WDR49: variants seen among roughly 807,000 people sequenced by gnomAD.
The protein encoded by WDR49 is cilia- and flagella-associated protein 337.
WDR49 carries 107 observed loss-of-function variants against 119.5 expected under a neutral mutation model. That is an observed-to-expected ratio of 0.90 (90% CI 0.77 to 1.05). The LOEUF is 1.05. WDR49 is among the 50% of genes least tolerant of loss of function. The pLI is 0.00. For synonymous variants in WDR49, 425 were observed against 418.8 expected (o/e 1.01, Z -0.18); for missense variants, 1,240 against 1,220.5 (o/e 1.02, Z -0.24).
chr3:167,577,821 A>G (rs955016309), intron 7 of WDR49, among the ~76,000 whole-genome samples: 4 of 152,144 alleles, frequency 2.6e-5, no homozygotes, highest in African/African-American at 7.2e-5. Context: ...GCAACCTTAT[A>G]GTTTTTAACC....
chr3:167,517,240 T>A (rs975378473), intron 16 of WDR49, among the ~76,000 whole-genome samples: 2 of 152,088 alleles, frequency 1.3e-5, no homozygotes, highest in South Asian at 4.1e-4. Flanking sequence ...AGAACAAAGC[T>A]GGAGGCATCA....
At chr3:167,499,228 A>G (rs1276807435) in intron 18 of WDR49, among the ~76,000 whole-genome samples, 4 of 152,174 alleles carry the variant, frequency 2.6e-5, no homozygotes, top group African/African-American at 7.2e-5. Context: ...CCCTTTCCAT[A>G]AGAGACAAAG....
chr3:167,503,734 G>A (rs1560254795), intron 17 of WDR49, among the ~76,000 whole-genome samples: 5 of 152,172 alleles, frequency 3.3e-5, no homozygotes, highest in Admixed American at 6.5e-5. Flanking sequence ...GGTGGAGGGC[G>A]ACTGAAAGCT....
At position 167,620,510 on chromosome 3, in the gene WDR49, A is replaced by T. The variant is rs889897079; in HGVS notation, c.877T>A (p.Trp293Arg). 8.5e-6 allele frequency: 13 copies of T among 1,536,038 alleles called. No homozygotes were observed. The highest frequency in any genetic ancestry group is 1.0e-5 in the Non-Finnish European group (12 of 1,146,772). Reference sequence around the variant, plus strand: ...TGACATCCAGAGAGCAGCTCTGCCCAGTTAATGGTCATAGTGGCTTCTCCA... The same window carrying T: ...TGACATCCAGAGAGCAGCTCTGCCCTGTTAATGGTCATAGTGGCTTCTCCA... ...EDGEATMTIN[W>R]AELLSGCHKC... The change falls in exon 5 of 19, where the codon TGG becomes AGG. Residue 293 changes from tryptophan (W) to arginine (R), a missense_variant. Transcript: ENST00000682715.
chr3:167,516,734 C>A (rs963834733), intron 16 of WDR49, among the ~76,000 whole-genome samples: 9 of 151,970 alleles, frequency 5.9e-5, no homozygotes, highest in South Asian at 4.2e-4. Flanking sequence ...ATTAAACTAA[C>A]GACCTTCTGC....
At chr3:167,616,716 A>G (rs1015094023) in intron 5 of WDR49, among the ~76,000 whole-genome samples, 1 of 152,190 alleles carries the variant, frequency 6.6e-6, no homozygotes, top group Non-Finnish European at 1.5e-5. Context: ...CAGATCCACA[A>G]ATCCAAGAAT....
chr3:167,597,028 A>G (rs1006821876), intron 7 of WDR49, among the ~76,000 whole-genome samples: 10 of 151,858 alleles, frequency 6.6e-5, no homozygotes, highest in African/African-American at 2.2e-4. Flanking sequence ...CATAAGTAAC[A>G]AGGAGCCAAA....
chr3:167,611,562 T>C (rs112864834), intron 5 of WDR49, among the ~76,000 whole-genome samples: 2,583 of 152,128 alleles, frequency 0.017, 71 homozygotes, highest in African/African-American at 0.056. Flanking sequence ...CAAGACGCAT[T>C]GAACTGTTAT....
At chr3:167,479,661 T>C (rs948188781) in intron 18 of WDR49, among the ~76,000 whole-genome samples, 1 of 152,108 alleles carries the variant, frequency 6.6e-6, no homozygotes, top group African/African-American at 2.4e-5. Context: ...TTCCAATTGG[T>C]GGAAACTAGA....
chr3:167,555,812 T>C (rs1712890844), intron 9 of WDR49, among the ~76,000 whole-genome samples: 1 of 152,204 alleles, frequency 6.6e-6, no homozygotes, highest in Non-Finnish European at 1.5e-5. Flanking sequence ...ACAGGATACA[T>C]TCTGAGAAAT....
At chr3:167,573,176 GC>G in intron 8 of WDR49, among the ~76,000 whole-genome samples, 1 of 152,100 alleles carries the variant, frequency 6.6e-6, no homozygotes, top group Non-Finnish European at 1.5e-5. Context: ...ACAAGGCAAT[GC>G]CAGGGAGGCA....
intron 2 of WDR49, among the ~76,000 whole-genome samples, chr3:167,643,871 G>C (rs1430597094): frequency 1.3e-5 from 2 of 151,922 alleles, no homozygotes; most frequent in Non-Finnish European, 2.9e-5. Flanking sequence ...TCATAATAGT[G>C]AATGATGGCC....
chr3:167,622,608 C>G lies in WDR49; in HGVS notation c.607-965G>C, dbSNP rs138543483. ...ATTATTGAAGACAGAGTAGGCATTT[C>G]AATAATAACAGTGGGATATTTCAAT... On this transcript the variant is annotated intron_variant, in intron 3 of 18. Transcript: ENST00000682715. Among the ~76,000 whole-genome samples the G allele has an allele frequency of 2.8e-3, 422 of 152,110 alleles. 2 individuals carry two copies. The highest frequency in any genetic ancestry group is 9.8e-3 in the African/African-American group (408 of 41,506).
At chr3:167,624,581 C>G (rs1032092618) in intron 3 of WDR49, among the ~76,000 whole-genome samples, 1 of 151,932 alleles carries the variant, frequency 6.6e-6, no homozygotes, top group African/African-American at 2.4e-5. Flanking sequence ...TAAAATCTAT[C>G]AGCTTGGGAC....
intron 6 of WDR49, among the ~76,000 whole-genome samples, chr3:167,602,725 C>T (rs990904819): frequency 2.6e-5 from 4 of 152,102 alleles, no homozygotes; most frequent in African/African-American, 9.7e-5. Context: ...TATAAAAAGA[C>T]AAATTATCAA....
intron 16 of WDR49, among the ~76,000 whole-genome samples, chr3:167,507,112 A>T (rs1418546058): frequency 6.6e-6 from 1 of 151,904 alleles, no homozygotes; most frequent in Non-Finnish European, 1.5e-5. Context: ...CCCTTTTTCC[A>T]TATGTTACTC....
intron 7 of WDR49, among the ~76,000 whole-genome samples, chr3:167,586,715 G>T (rs112371574): frequency 1.3e-5 from 2 of 152,118 alleles, no homozygotes; most frequent in African/African-American, 4.8e-5. Flanking sequence ...CTGAGATCAC[G>T]ATGCATTTAT....
chr3:167,629,770 G>T (rs1717286498), intron 2 of WDR49, among the ~76,000 whole-genome samples: 2 of 152,104 alleles, frequency 1.3e-5, no homozygotes, highest in Admixed American at 1.3e-4. Context: ...GACTTTGAGG[G>T]GTTCAAAACT....
intron 16 of WDR49, among the ~76,000 whole-genome samples, chr3:167,521,971 T>C (rs1752455683): frequency 1.2e-5 from 1 of 82,718 alleles, no homozygotes; most frequent in Admixed American, 1.4e-4. Flanking sequence ...CTAAGATAGA[T>C]AGATAGATAG....
Sources: allele counts gnomAD v4.1 joint callset (sites outside exome capture counted in the v4.1 genomes callset), GRCh38; gene constraint gnomAD v4.1.1; transcripts MANE v1.5; gene names NCBI Gene and HGNC (gene_info 2026-07-23, HGNC 2026-07-21).